The following RABGAP1L variants were observed in gnomAD, a reference collection of about 807,000 sequenced individuals.
RABGAP1L encodes RAB GTPase activating protein 1 like, also known as rab GTPase-activating protein 1-like.
Under a neutral mutation model 137.7 loss-of-function variants are expected in RABGAP1L, and 63 were observed. The observed-to-expected ratio is 0.46, with a 90% CI of 0.37 to 0.56. RABGAP1L has a LOEUF of 0.56. Among genes scored for constraint, RABGAP1L ranks in the 20% least tolerant of loss-of-function variants. The pLI, the probability that RABGAP1L is intolerant of heterozygous loss-of-function variation, is 0.00. For synonymous variants in RABGAP1L, 431 were observed against 433.7 expected (o/e 0.99, Z 0.08); for missense variants, 1,095 against 1,244.0 (o/e 0.88, Z 1.80).
chr1:174,387,267 A>T (rs147033050), intron 12 of RABGAP1L, among the ~76,000 whole-genome samples: 54 of 152,296 alleles, frequency 3.5e-4, no homozygotes, highest in Non-Finnish European at 6.2e-4. Context: ...TTAATCATCT[A>T]TTCTTTCTTG....
At chr1:174,271,267 T>C (rs1484922400) in intron 7 of RABGAP1L, among the ~76,000 whole-genome samples, 1 of 152,128 alleles carries the variant, frequency 6.6e-6, no homozygotes, top group African/African-American at 2.4e-5. Context: ...ATAGGAAGTA[T>C]ACATTTACTC....
chr1:174,752,820 A>T lies in RABGAP1L; in HGVS notation c.2211+466A>T, dbSNP rs553725424. On this transcript the variant is annotated intron_variant, in intron 18 of 25. Transcript: ENST00000681986. ...TTGCAGTTCTTTCCATGATAGTTAG[A>T]AATTTATAAAACACTTTAGAATTCT... Among the ~76,000 whole-genome samples the T allele has an allele frequency of 2.0e-5, 3 of 152,348 alleles. No individual in the cohort carries two copies. In the South Asian group the frequency reaches 6.2e-4, roughly 32 times the overall value.
intron 15 of RABGAP1L, among the ~76,000 whole-genome samples, chr1:174,693,217 C>T (rs1679001221): frequency 6.6e-6 from 1 of 152,224 alleles, no homozygotes; most frequent in South Asian, 2.1e-4. Context: ...AGATCCGCTG[C>T]TGTAAACTCT....
intron 15 of RABGAP1L, among the ~76,000 whole-genome samples, chr1:174,688,865 A>T (rs1421473196): frequency 6.6e-6 from 1 of 152,102 alleles, no homozygotes; most frequent in Non-Finnish European, 1.5e-5. Context: ...TCCATTCTGC[A>T]TAAAGTTCAA....
At chr1:174,814,392 G>A (rs571285433) in intron 19 of RABGAP1L, among the ~76,000 whole-genome samples, 8 of 151,986 alleles carry the variant, frequency 5.3e-5, no homozygotes, top group Non-Finnish European at 1.0e-4. Flanking sequence ...TATTTAAGAC[G>A]GTATCCACGG....
chr1:174,348,958 T>A (rs1682725312), intron 11 of RABGAP1L, among the ~76,000 whole-genome samples: 2 of 152,094 alleles, frequency 1.3e-5, no homozygotes, highest in South Asian at 4.1e-4. Context: ...TGGCCCGTTC[T>A]CAATGAGCTG....
At chr1:174,660,017 C>T (rs1205343727) in intron 14 of RABGAP1L, among the ~76,000 whole-genome samples, 2 of 152,180 alleles carry the variant, frequency 1.3e-5, no homozygotes, top group African/African-American at 2.4e-5. Flanking sequence ...AAAAACATGA[C>T]TCACAGAGGC....
At chr1:174,376,778 C>T (rs1200017434) in intron 12 of RABGAP1L, among the ~76,000 whole-genome samples, 1 of 152,058 alleles carries the variant, frequency 6.6e-6, no homozygotes, top group East Asian at 1.9e-4. Flanking sequence ...TGACAGATCC[C>T]AAAACTGGGA....
At chr1:174,563,501 A>G (rs182991178) in intron 13 of RABGAP1L, among the ~76,000 whole-genome samples, 2 of 152,158 alleles carry the variant, frequency 1.3e-5, no homozygotes. Context: ...TAACCATAAA[A>G]TGAGGATAAT....
In RABGAP1L at chr1:174,459,014, T is replaced by C. The variant is rs192137949; in HGVS notation, c.1710+64869T>C. ...ATAATTCAACACCAATGTATGACAT[T>C]ATTAATAGGCTCTTGGTAATATATA... On this transcript the variant is annotated intron_variant, in intron 13 of 25. Transcript: ENST00000681986. 1.2e-3 allele frequency among the ~76,000 whole-genome samples: 178 copies of C among 152,268 alleles called. 1 individual carries two copies. The highest frequency in any genetic ancestry group is 4.2e-3 in the African/African-American group (174 of 41,586).
chr1:174,897,071 A>G (rs936265293), intron 19 of RABGAP1L: 2 of 152,220 alleles, frequency 1.3e-5, no homozygotes, highest in African/African-American at 4.8e-5. Flanking sequence ...CCTATCCATG[A>G]GCATGGAATG....
At chr1:174,507,871 T>G (rs1487734557) in intron 13 of RABGAP1L, among the ~76,000 whole-genome samples, 1 of 152,152 alleles carries the variant, frequency 6.6e-6, no homozygotes, top group Non-Finnish European at 1.5e-5. Flanking sequence ...TTTCATATAA[T>G]GCAAGATTTT....
chr1:174,909,610 G>C (rs571924894), intron 19 of RABGAP1L, among the ~76,000 whole-genome samples: 3 of 152,224 alleles, frequency 2.0e-5, no homozygotes, highest in African/African-American at 7.2e-5. Flanking sequence ...AAGTGAAAGT[G>C]GTTTTTATGG....
intron 23 of RABGAP1L, among the ~76,000 whole-genome samples, 171 bp downstream of exon 23, chr1:174,979,061 G>A (rs537019807): frequency 1.3e-5 from 2 of 152,108 alleles, no homozygotes; most frequent in East Asian, 1.9e-4. Context: ...GGCATGTGCC[G>A]GTAGTCCCAG....
At chr1:174,944,644 TA>T (rs71815856) in intron 19 of RABGAP1L, among the ~76,000 whole-genome samples, 20,837 of 119,608 alleles carry the variant, frequency 0.17, 3,587 homozygotes, top group African/African-American at 0.45. Context: ...CTCAAAAAAT[TA>T]AAAAAAAAAA....
intron 12 of RABGAP1L, among the ~76,000 whole-genome samples, chr1:174,372,127 T>G (rs1237281339): frequency 6.6e-6 from 1 of 152,138 alleles, no homozygotes; most frequent in Non-Finnish European, 1.5e-5. Context: ...AATGAACACA[T>G]TTCAGAGAAC....
At chr1:174,168,264 CAAAAAAAA>C (rs3056992) in intron 1 of RABGAP1L, among the ~76,000 whole-genome samples, 6 of 64,718 alleles carry the variant, frequency 9.3e-5, no homozygotes, top group East Asian at 5.3e-4. Flanking sequence ...GACTCGGTCT[CAAAAAAAA>C]AAAAAAAAAA....
At chr1:174,388,917 C>T (rs1166695177) in intron 12 of RABGAP1L, among the ~76,000 whole-genome samples, 1 of 152,000 alleles carries the variant, frequency 6.6e-6, no homozygotes. Flanking sequence ...CTACTTCCAC[C>T]TCCTATCAAA....
chr1:174,787,317 C>T (rs964654294), intron 18 of RABGAP1L, among the ~76,000 whole-genome samples: 2 of 150,516 alleles, frequency 1.3e-5, no homozygotes, highest in Non-Finnish European at 2.9e-5. Context: ...GCAGGAGAAT[C>T]GCTTGAACCT....
Sources: allele counts gnomAD v4.1 joint callset (sites outside exome capture counted in the v4.1 genomes callset), GRCh38; gene constraint gnomAD v4.1.1; transcripts MANE v1.5; gene names NCBI Gene and HGNC (gene_info 2026-07-23, HGNC 2026-07-21).